Variants in NXPE2 observed in about 807,000 individuals in gnomAD.
The protein encoded by NXPE2 is neurexophilin and PC-esterase domain family member 2, also known as NXPE family member 2.
In NXPE2, 34 loss-of-function variants were observed where a neutral mutation model predicts 34.4. That is an observed-to-expected ratio of 0.99 (90% CI 0.75 to 1.31). The LOEUF (loss-of-function observed/expected upper bound fraction) is 1.31, where lower values mean the gene tolerates loss of function less well. NXPE2 is among the 40% of genes most tolerant of loss of function. The pLI, the probability that NXPE2 is intolerant of heterozygous loss-of-function variation, is 0.00. For synonymous variants in NXPE2, 235 were observed against 231.3 expected (o/e 1.02, Z -0.15); for missense variants, 649 against 672.5 (o/e 0.97, Z 0.39).
the NXPE2 span, chr11:114,531,042 G>C: frequency 2.1e-6 from 2 of 939,000 alleles, no homozygotes; most frequent in Non-Finnish European, 2.9e-6. Flanking sequence ...TGAATATTTG[G>C]TAATAAAGTG....
chr11:114,525,777 G>A, the NXPE2 span, among the ~76,000 whole-genome samples: 11 of 152,184 alleles, frequency 7.2e-5, no homozygotes, highest in Non-Finnish European at 1.5e-4. Context: ...TTAGTGAAGT[G>A]TATATTCAAG....
the NXPE2 span, chr11:114,580,430 AG>A: frequency 1.2e-5 from 12 of 1,031,662 alleles, no homozygotes; most frequent in Admixed American, 3.7e-5. Flanking sequence ...GTATCCTAAG[AG>A]GGGGTAAGGT....
chr11:114,805,722 A>T, the NXPE2 span, among the ~76,000 whole-genome samples: 1 of 152,210 alleles, frequency 6.6e-6, no homozygotes, highest in South Asian at 2.1e-4. Context: ...GGAGCCCACC[A>T]CAGCTCAAGG....
chr11:114,708,688 A>G (rs777207528), downstream of NXPE2, among the ~76,000 whole-genome samples: 1 of 151,904 alleles, frequency 6.6e-6, no homozygotes, highest in African/African-American at 2.4e-5. Flanking sequence ...AGTCTGGGTC[A>G]TACACTTTAG....
the NXPE2 span, among the ~76,000 whole-genome samples, chr11:114,579,731 G>A: frequency 2.8e-3 from 428 of 152,312 alleles, 3 homozygotes; most frequent in African/African-American, 1.0e-2. Flanking sequence ...CTTGTTCAAA[G>A]TCACCCAGAT....
At chr11:114,749,693 G>A in the NXPE2 span, among the ~76,000 whole-genome samples, 19,282 of 152,056 alleles carry the variant, frequency 0.13, 1,533 homozygotes, top group African/African-American at 0.22. Flanking sequence ...CCCAGTACAT[G>A]ACCAACCATT....
At chr11:114,689,304 C>T (rs1344499422) in intron 2 of NXPE2, among the ~76,000 whole-genome samples, 6 of 151,796 alleles carry the variant, frequency 4.0e-5, no homozygotes, top group African/African-American at 1.5e-4. Context: ...TCATTTGTTT[C>T]AATTTTTTAA....
chr11:114,602,986 A>G, the NXPE2 span, among the ~76,000 whole-genome samples: 1 of 150,724 alleles, frequency 6.6e-6, no homozygotes, highest in African/African-American at 2.4e-5. Flanking sequence ...TAATTATCTC[A>G]TATATAATTA....
chr11:114,635,374 TG>T, the NXPE2 span, among the ~76,000 whole-genome samples: 1 of 150,548 alleles, frequency 6.6e-6, no homozygotes, highest in Non-Finnish European at 1.5e-5. Flanking sequence ...GCTGAGACAA[TG>T]GGGTTTTCTA....
chr11:114,630,114 T>A, the NXPE2 span, among the ~76,000 whole-genome samples: 1 of 151,774 alleles, frequency 6.6e-6, no homozygotes, highest in African/African-American at 2.4e-5. Context: ...ATTTACAGAT[T>A]CAATGCTGTA....
chr11:114,613,793 C>T, the NXPE2 span, among the ~76,000 whole-genome samples: 15 of 151,664 alleles, frequency 9.9e-5, no homozygotes, highest in Middle Eastern at 3.4e-3. Context: ...CACAGTTAGC[C>T]GGTGGATAAT....
chr11:114,776,766 G>A, the NXPE2 span, among the ~76,000 whole-genome samples: 2 of 152,184 alleles, frequency 1.3e-5, no homozygotes, highest in African/African-American at 4.8e-5. Flanking sequence ...ATATTAGTAT[G>A]TCTGCCCCGA....
At chr11:114,689,903 G>A (rs563408637) in intron 2 of NXPE2, among the ~76,000 whole-genome samples, 8 of 151,926 alleles carry the variant, frequency 5.3e-5, no homozygotes, top group Non-Finnish European at 1.2e-4. Context: ...TCTGATACAA[G>A]AATAACAAAC....
the NXPE2 span, among the ~76,000 whole-genome samples, chr11:114,798,031 C>T: frequency 1.8e-4 from 28 of 152,288 alleles, no homozygotes; most frequent in East Asian, 1.2e-3. Flanking sequence ...GGCTATCAGA[C>T]TGCAATTGTG....
At chr11:114,728,674 G>C in the NXPE2 span, among the ~76,000 whole-genome samples, 4 of 152,006 alleles carry the variant, frequency 2.6e-5, no homozygotes, top group South Asian at 6.2e-4. Flanking sequence ...CATACTTTAG[G>C]CTTTATGGGA....
the NXPE2 span, among the ~76,000 whole-genome samples, chr11:114,771,269 A>G: frequency 6.6e-6 from 1 of 151,262 alleles, no homozygotes; most frequent in Non-Finnish European, 1.5e-5. Flanking sequence ...GGCTCTTGGA[A>G]CCAGAATACC....
chr11:114,485,190 C>T, the NXPE2 span, among the ~76,000 whole-genome samples: 1 of 151,646 alleles, frequency 6.6e-6, no homozygotes, highest in Non-Finnish European at 1.5e-5. Flanking sequence ...GTGTTATAAA[C>T]AATTCAATTA....
At chr11:114,659,015 C>A in the NXPE2 span, among the ~76,000 whole-genome samples, 1 of 152,072 alleles carries the variant, frequency 6.6e-6, no homozygotes, top group East Asian at 1.9e-4. Context: ...CTGAGAAAAA[C>A]CCTTTGTCAA....
chr11:114,662,204 T>G, the NXPE2 span, among the ~76,000 whole-genome samples: 1 of 150,066 alleles, frequency 6.7e-6, no homozygotes, highest in African/African-American at 2.4e-5. Context: ...GGTGACATAG[T>G]GTGGAGAGTG....
Sources: gnomAD v4.1 joint callset for allele counts (sites outside exome capture counted in the v4.1 genomes callset) on GRCh38, gnomAD v4.1.1 for gene constraint, MANE v1.5 for transcripts, NCBI Gene and HGNC (gene_info 2026-07-23, HGNC 2026-07-21) for gene names.